Variants in NBPF9 observed in about 807,000 individuals in gnomAD.
NBPF9 encodes NBPF family member NBPF9.
A neutral mutation model predicts 97.8 loss-of-function variants in NBPF9; 91 were observed. That is an observed-to-expected ratio of 0.93 (90% CI 0.79 to 1.11). NBPF9 has a LOEUF of 1.11. Among genes scored for constraint, NBPF9 ranks in the 50% least tolerant of loss-of-function variants. NBPF9 has a pLI of 0.00. For missense variants in NBPF9, 992 were observed against 939.5 expected, an observed-to-expected ratio of 1.06 and a Z score of -0.73; for synonymous variants, 334 against 359.5, an observed-to-expected ratio of 0.93 and a Z score of 0.80.
chr1:149,080,304 A>C (rs1553656296), intron 7 of NBPF9, 149 bp from the exon 8 acceptor site: 1 of 623,780 alleles, frequency 1.6e-6, no homozygotes, highest in Non-Finnish European at 2.8e-6. Context: ...TTTACTCTTC[A>C]GTCTCCTGAC....
chr1:149,063,997 C>CACAG (rs1480898511), intron 19 of NBPF9, among the ~76,000 whole-genome samples, 192 bp from the exon 20 acceptor site: 3 of 107,842 alleles, frequency 2.8e-5, no homozygotes, highest in Non-Finnish European at 5.9e-5. Flanking sequence ...GAGAAAGACA[C>CACAG]ACACACACAC....
In NBPF9 at chr1:149,072,934, T is replaced by A. The variant is rs1281617692; in HGVS notation, c.1092-2A>T. On this transcript the variant is annotated splice_acceptor_variant, in intron 13 of 29. Coordinates refer to ENST00000584027, the Ensembl canonical transcript of NBPF9. LOFTEE classifies it high-confidence loss of function. Reference sequence around the variant, plus strand: ...GCGTGAACCAGGACTTTATATTGCCTAAGGTGAGATGGTAGAGAAAAATTA... The same window carrying A: ...GCGTGAACCAGGACTTTATATTGCCAAAGGTGAGATGGTAGAGAAAAATTA... 6.2e-7 allele frequency: 1 copy of A among 1,606,486 alleles called. No individual in the cohort carries two copies. The highest frequency in any genetic ancestry group is 2.2e-5 in the East Asian group (1 of 44,814).
chr1:149,057,742 C>CAA (rs1575821145), intron 27 of NBPF9, among the ~76,000 whole-genome samples: 28 of 102,052 alleles, frequency 2.7e-4, no homozygotes, highest in African/African-American at 7.8e-4. Context: ...CACACACACA[C>CAA]ACACACACAC....
chr1:149,084,448 CTTTT>C (rs1282586308), intron 5 of NBPF9, among the ~76,000 whole-genome samples: 1 of 144,084 alleles, frequency 6.9e-6, no homozygotes, highest in East Asian at 2.0e-4. Context: ...ATATATTTTT[CTTTT>C]TTAAGTGGCG....
At chr1:149,082,728 T>A (rs1553657218) in intron 5 of NBPF9, among the ~76,000 whole-genome samples, 1 of 146,140 alleles carries the variant, frequency 6.8e-6, no homozygotes, top group Non-Finnish European at 1.5e-5. Flanking sequence ...TTAATGGTAG[T>A]CATGAAGTCA....
rs28736716 is a variant in NBPF9, at chr1:149,055,841, C to A, written c.3151G>T (p.Gly1051Ter). 1 of 1,553,536 alleles carries A rather than the reference C, an allele frequency of 6.4e-7. No homozygotes were observed. Among genetic ancestry groups the A allele is most frequent in the African/African-American group, 1.5e-5 (1 of 67,264 alleles). ...TACATTGACGGAGTAGAATAACATC[C>A]ATCCAGTGAGTCCTGCAAGACTTCA... The change falls in exon 30 of 30, where the codon GGA becomes TGA. Residue 1051 changes from glycine to a stop codon, truncating the protein, a stop_gained. Transcript: ENST00000584027. LOFTEE classifies it low-confidence loss of function (END_TRUNC).
At chr1:149,060,053 T>C (rs1454932032) in intron 24 of NBPF9, 2 of 341,884 alleles carry the variant, frequency 5.8e-6, no homozygotes, top group African/African-American at 5.9e-5. Context: ...TGGTCCCAAA[T>C]TTGTGCAAAC....
chr1:149,098,469 A>C (rs1172766946), exon 4 of NBPF9: 9 of 1,521,378 alleles, frequency 5.9e-6, no homozygotes, highest in Non-Finnish European at 8.0e-6. Flanking sequence ...CATTTGGCCC[A>C]CACCGTGTGA....
At chr1:149,079,777 G>T (rs372113763) in intron 8 of NBPF9, among the ~76,000 whole-genome samples, 30 of 151,564 alleles carry the variant, frequency 2.0e-4, no homozygotes, top group East Asian at 5.9e-4. Context: ...AATGCTGCTA[G>T]GTGGTTCCCA....
chr1:149,063,619 A>T lies in NBPF9; in HGVS notation c.2026+14T>A. 1.6e-6 allele frequency: 1 copy of T among 607,586 alleles called. No individual in the cohort carries two copies. Among genetic ancestry groups the T allele is most frequent in the Middle Eastern group, 4.4e-4 (1 of 2,282 alleles). The allele number at this position is 607,586 out of a possible 1,614,324, so 37.6% of individuals were successfully genotyped here. A position where few individuals can be genotyped will look rare whatever the true frequency, so the allele number is the denominator to read the frequency against. Reference sequence around the variant, plus strand: ...CTCAGTGGATCCTTATCACCTTCATAGAAAGGTACTCACCATCCATGTCAA... The same window carrying T: ...CTCAGTGGATCCTTATCACCTTCATTGAAAGGTACTCACCATCCATGTCAA... On this transcript the variant is annotated intron_variant, in intron 20 of 29. Transcript: ENST00000584027.
intron 4 of NBPF9, among the ~76,000 whole-genome samples, chr1:149,097,126 G>A (rs1457111334): frequency 2.6e-5 from 4 of 151,006 alleles, no homozygotes; most frequent in African/African-American, 9.8e-5. Context: ...GGGAAGGAGG[G>A]AGGGAAAGAA....
intron 5 of NBPF9, among the ~76,000 whole-genome samples, chr1:149,082,802 CAG>C (rs2080600723): frequency 1.4e-5 from 2 of 143,476 alleles, no homozygotes; most frequent in African/African-American, 2.6e-5. Flanking sequence ...TTTTTTGAGA[CAG>C]AGTCTCACTC....
exon 14 of NBPF9, chr1:149,072,775 C>T (rs1553653266): frequency 1.3e-6 from 2 of 1,585,038 alleles, no homozygotes; most frequent in African/African-American, 2.7e-5. Flanking sequence ...GCCAGCTGTT[C>T]TTGGAGGTCC....
rs782009457 is a variant in NBPF9, at chr1:149,062,199, A to G, written c.2145T>C (p.Tyr715=). ...GTTCAAGATAACCTGAAGGAGTCGA[A>G]TACCATCTACCCAGTGAGTCCTGCA... Residue 715 remains tyrosine, a synonymous_variant, in exon 22 of 30, where the codon TAT becomes TAC. Transcript: ENST00000584027. The G allele has an allele frequency of 5.3e-5, 55 of 1,032,768 alleles. 1 individual carries two copies. Among genetic ancestry groups the G allele is most frequent in the Non-Finnish European group, 7.2e-5 (47 of 653,782 alleles). 64.0% of individuals were successfully genotyped at this position (1,032,768 alleles called of 1,614,324 possible).
intron 21 of NBPF9, 141 bp downstream of exon 21, chr1:149,062,721 C>T (rs1390174907): frequency 2.7e-6 from 2 of 733,622 alleles, no homozygotes; most frequent in Middle Eastern, 3.6e-4. Context: ...ACATCTACTG[C>T]AATGAAAACC....
chr1:149,065,320 G>T (rs1286531003), intron 18 of NBPF9: 1 of 751,012 alleles, frequency 1.3e-6, no homozygotes, highest in African/African-American at 1.7e-5. Flanking sequence ...CATGGCCTGA[G>T]ACTAGGAAGA....
In NBPF9 at chr1:149,055,599, C is replaced by A. The variant is rs1279985723; in HGVS notation, c.*57G>T. 7 of 1,592,820 alleles carry A rather than the reference C, an allele frequency of 4.4e-6. No individual in the cohort carries two copies. The African/African-American group carries it at 8.2e-5, about 19-fold the overall frequency. On this transcript the variant is annotated 3_prime_UTR_variant, in exon 30 of 30. Coordinates refer to ENST00000584027, the Ensembl canonical transcript of NBPF9. The stretch of plus-strand genomic sequence containing the variant: ...GGAACTGTACTTTCATTCAAAACTT[C>A]ACGTGCCTATAGGTCCTGCCTGCAG...
In NBPF9 at chr1:149,098,618, C is replaced by T. The variant is rs1575881930; in HGVS notation, c.-517G>A. The T allele has an allele frequency of 1.9e-5, 24 of 1,233,380 alleles. No individual in the cohort carries two copies. The East Asian group carries it at 8.9e-4, about 46-fold the overall frequency. The allele number at this position is 1,233,380 out of a possible 1,614,324, so 76.4% of individuals were successfully genotyped here. The stretch of plus-strand genomic sequence containing the variant: ...CACAGCACTGAAGCTCCAGGACACC[C>T]TCAGGAGGACGGTAAGGGACGGTAA... On this transcript the variant is annotated 5_prime_UTR_variant, in exon 4 of 30. Coordinates refer to ENST00000584027, the Ensembl canonical transcript of NBPF9.
rs1553653321 is a variant in NBPF9 at position 149,072,940 on chromosome 1, G to A, written c.1092-8C>T. 1 of 1,606,274 alleles carries A rather than the reference G, an allele frequency of 6.2e-7. No individual in the cohort carries two copies. The highest frequency in any genetic ancestry group is 1.1e-5 in the South Asian group (1 of 90,834). ...ACCAGGACTTTATATTGCCTAAGGT[G>A]AGATGGTAGAGAAAAATTAAGAGTG... On this transcript the variant is annotated splice_region_variant and splice_polypyrimidine_tract_variant and intron_variant, in intron 13 of 29. Coordinates refer to ENST00000584027, the Ensembl canonical transcript of NBPF9.
Sources: allele counts gnomAD v4.1 joint callset (sites outside exome capture counted in the v4.1 genomes callset), GRCh38; gene constraint gnomAD v4.1.1; transcripts MANE v1.5; gene names NCBI Gene and HGNC (gene_info 2026-07-23, HGNC 2026-07-21).